CDH2: variants seen among roughly 807,000 people sequenced by gnomAD.
CDH2 encodes cadherin-2.
In CDH2, 17 loss-of-function variants were observed where a neutral mutation model predicts 92.0. The ratio of observed to expected loss-of-function variants is 0.18; its 90% CI spans 0.13 to 0.28. The LOEUF is 0.28. Ranked by LOEUF, CDH2 falls within the 10% of genes least tolerant of loss-of-function variation. The pLI, the probability that CDH2 is intolerant of heterozygous loss-of-function variation, is 1.00. For missense variants in CDH2, 862 were observed against 1,133.1 expected (o/e 0.76, Z 3.44); for synonymous variants, 419 against 415.9 (o/e 1.01, Z -0.09).
At chr18:27,970,225 C>T (rs903890117) in intron 14 of CDH2, among the ~76,000 whole-genome samples, 4 of 152,070 alleles carry the variant, frequency 2.6e-5, no homozygotes, top group African/African-American at 9.7e-5. Flanking sequence ...AAGAGAAACA[C>T]ATTTCTTAAC....
chr18:28,113,652 T>C (rs2015449096), intron 2 of CDH2, among the ~76,000 whole-genome samples: 1 of 152,116 alleles, frequency 6.6e-6, no homozygotes, highest in African/African-American at 2.4e-5. Flanking sequence ...TCTACTACTA[T>C]GGGCATTTTT....
intron 2 of CDH2, among the ~76,000 whole-genome samples, chr18:28,108,517 T>C (rs1037930587): frequency 1.1e-4 from 17 of 152,178 alleles, no homozygotes. Flanking sequence ...GCTCAGCTTT[T>C]AATCAAGCAG....
At position 28,003,180 on chromosome 18, in the gene CDH2, T is replaced by C. The variant is rs745392532; in HGVS notation, c.848-11A>G. On this transcript the variant is annotated splice_polypyrimidine_tract_variant and intron_variant, in intron 6 of 15. Coordinates refer to ENST00000269141, the MANE Select transcript of CDH2 (RefSeq NM_001792.5). Reference sequence around the variant, plus strand: ...TCATCACATATGTTCCTAGAGACAGTGTACATGGAAAATGAATGGTTACCC... The same window carrying C: ...TCATCACATATGTTCCTAGAGACAGCGTACATGGAAAATGAATGGTTACCC... The C allele has an allele frequency of 1.2e-6, 2 of 1,600,568 alleles. No individual in the cohort carries two copies. Among genetic ancestry groups the C allele is most frequent in the South Asian group, 1.1e-5 (1 of 90,322 alleles).
intron 2 of CDH2, among the ~76,000 whole-genome samples, chr18:28,031,037 T>C: frequency 6.6e-6 from 1 of 151,406 alleles, no homozygotes; most frequent in African/African-American, 2.4e-5. Flanking sequence ...TGTACCAAGA[T>C]GAATCTTGAA....
At chr18:28,146,166 A>G (rs1018138337) in intron 2 of CDH2, 3 of 152,170 alleles carry the variant, frequency 2.0e-5, no homozygotes, top group African/African-American at 7.2e-5. Context: ...TTTAAACAAC[A>G]AATTATAAGC....
At chr18:28,123,170 T>C (rs1234968213) in intron 2 of CDH2, among the ~76,000 whole-genome samples, 1 of 152,112 alleles carries the variant, frequency 6.6e-6, no homozygotes, top group Non-Finnish European at 1.5e-5. Flanking sequence ...TAAAAACTGC[T>C]TAAAAGTCTC....
chr18:28,164,459 TC>T (rs2016350206), intron 1 of CDH2, among the ~76,000 whole-genome samples: 1 of 152,190 alleles, frequency 6.6e-6, no homozygotes, highest in Non-Finnish European at 1.5e-5. Context: ...AGGCAATACT[TC>T]CTGCATCTAA....
intron 2 of CDH2, 36 bp downstream of exon 2, chr18:28,147,637 A>G: frequency 7.8e-7 from 1 of 1,274,322 alleles, no homozygotes; most frequent in African/African-American, 1.5e-5. Flanking sequence ...ATGAGCATGG[A>G]CACTGCATGT....
intron 7 of CDH2, among the ~76,000 whole-genome samples, chr18:27,998,780 G>C (rs951713199): frequency 1.3e-5 from 2 of 151,982 alleles, no homozygotes; most frequent in African/African-American, 4.8e-5. Flanking sequence ...CACCACGCCT[G>C]GCTAATTTTT....
At chr18:27,933,100 G>A (rs1899645) in exon 7 of CDH2, among the ~76,000 whole-genome samples, 1,671 of 152,164 alleles carry the variant, frequency 0.011, 33 homozygotes, top group African/African-American at 0.039. Context: ...GGTCATAGGT[G>A]TAAGCTCTCT....
intron 1 of CDH2, among the ~76,000 whole-genome samples, chr18:28,154,480 G>C (rs758839520): frequency 3.9e-5 from 6 of 152,202 alleles, no homozygotes; most frequent in Non-Finnish European, 7.3e-5. Context: ...GCTGAAGATC[G>C]ACCTCCTTGT....
intron 2 of CDH2, among the ~76,000 whole-genome samples, chr18:28,121,279 T>C (rs1267585982): frequency 6.6e-6 from 1 of 152,142 alleles, no homozygotes; most frequent in Non-Finnish European, 1.5e-5. Context: ...TGCATTTTCA[T>C]CACAACCACT....
chr18:28,100,708 T>C (rs1370320735), intron 2 of CDH2, among the ~76,000 whole-genome samples: 7 of 152,350 alleles, frequency 4.6e-5, no homozygotes, highest in South Asian at 2.1e-4. Context: ...GAAAATCCTA[T>C]GTTATTCACA....
chr18:27,946,813 A>G (rs1247575402), downstream of CDH2, among the ~76,000 whole-genome samples: 2 of 152,144 alleles, frequency 1.3e-5, no homozygotes, highest in Middle Eastern at 3.4e-3. Flanking sequence ...TTATTCCAGG[A>G]AAGTTCAATT....
chr18:27,941,033 C>CTTT (rs59212895), intron 6 of CDH2, among the ~76,000 whole-genome samples: 14 of 124,590 alleles, frequency 1.1e-4, no homozygotes, highest in Admixed American at 3.5e-4. Flanking sequence ...TAAGTAGCAC[C>CTTT]TTTTTTTTTT....
At chr18:28,115,381 A>G (rs1455165194) in intron 2 of CDH2, among the ~76,000 whole-genome samples, 1 of 152,156 alleles carries the variant, frequency 6.6e-6, no homozygotes, top group Non-Finnish European at 1.5e-5. Context: ...GGAATATCCC[A>G]GTGTGAATCA....
Position 27,983,732 on chromosome 18 carries a change from T to G in CDH2, c.2210-649A>C, listed in dbSNP as rs188966871. 1.1e-3 allele frequency among the ~76,000 whole-genome samples: 171 copies of G among 152,364 alleles called. 1 individual carries two copies. Among genetic ancestry groups the G allele is most frequent in the Non-Finnish European group, 2.0e-3 (139 of 68,034 alleles). On this transcript the variant is annotated intron_variant, in intron 13 of 15. Coordinates refer to ENST00000269141, the MANE Select transcript of CDH2 (RefSeq NM_001792.5). ...AGGTCTAGAACCATAAATTTTCCAGTGAGTTGATGTTAAAATCAGCACCAA... is the reference window on the plus strand; with the variant it reads ...AGGTCTAGAACCATAAATTTTCCAGGGAGTTGATGTTAAAATCAGCACCAA...
At chr18:27,957,797 C>T (rs904364000) in intron 15 of CDH2, among the ~76,000 whole-genome samples, 2 of 152,192 alleles carry the variant, frequency 1.3e-5, no homozygotes, top group African/African-American at 4.8e-5. Flanking sequence ...TATAAAAGTA[C>T]ACCATACTTA....
At chr18:28,137,132 A>G (rs1331807124) in intron 2 of CDH2, among the ~76,000 whole-genome samples, 3 of 152,318 alleles carry the variant, frequency 2.0e-5, no homozygotes, top group East Asian at 3.9e-4. Context: ...TGATGAGTCC[A>G]TATGTTGAAG....
Sources: allele counts gnomAD v4.1 joint callset (sites outside exome capture counted in the v4.1 genomes callset), GRCh38; gene constraint gnomAD v4.1.1; transcripts MANE v1.5; gene names NCBI Gene and HGNC (gene_info 2026-07-23, HGNC 2026-07-21).